The following RNF144A variants were observed in gnomAD, a reference collection of about 807,000 sequenced individuals.
RNF144A encodes E3 ubiquitin-protein ligase RNF144A.
In RNF144A, 11 loss-of-function variants were observed where a neutral mutation model predicts 38.7. The ratio of observed to expected loss-of-function variants is 0.28; its 90% CI spans 0.18 to 0.47. RNF144A has a LOEUF of 0.47. RNF144A is among the 20% of genes least tolerant of loss of function. The probability of loss-of-function intolerance (pLI) is 0.99; values close to 1 mark genes in which losing one functional copy is unlikely to be tolerated. For synonymous variants in RNF144A, 149 were observed against 143.9 expected (o/e 1.04, Z -0.25); for missense variants, 316 against 377.2 (o/e 0.84, Z 1.34).
chr2:6,940,415 C>T (rs542934007), intron 1 of RNF144A, among the ~76,000 whole-genome samples: 3 of 152,260 alleles, frequency 2.0e-5, no homozygotes, highest in African/African-American at 4.8e-5. Context: ...AACCATTTAG[C>T]GTAATTACTG....
At chr2:6,969,728 G>T (rs1667880422) in intron 2 of RNF144A, among the ~76,000 whole-genome samples, 1 of 152,168 alleles carries the variant, frequency 6.6e-6, no homozygotes, top group African/African-American at 2.4e-5. Flanking sequence ...AATACAGTCA[G>T]TCTTCCTTTC....
At chr2:6,985,268 CT>C (rs369232833) in intron 2 of RNF144A, among the ~76,000 whole-genome samples, 2,024 of 128,636 alleles carry the variant, frequency 0.016, 19 homozygotes, top group African/African-American at 0.027. Flanking sequence ...TCCCTCCCCC[CT>C]CTTTTTTTTT....
intron 1 of RNF144A, among the ~76,000 whole-genome samples, chr2:6,923,573 C>T (rs1344830795): frequency 1.3e-5 from 2 of 152,248 alleles, no homozygotes; most frequent in Non-Finnish European, 2.9e-5. Flanking sequence ...ATCACAAATG[C>T]TGCCTTTCCT....
chr2:7,039,154 A>G (rs1672881148), intron 8 of RNF144A, among the ~76,000 whole-genome samples: 1 of 146,174 alleles, frequency 6.8e-6, no homozygotes, highest in Non-Finnish European at 1.5e-5. Flanking sequence ...ATGGATAGAG[A>G]GATGGATGAT....
At chr2:7,020,318 G>C (rs1027022012) in intron 5 of RNF144A, among the ~76,000 whole-genome samples, 155 bp from the exon 6 acceptor site, 1 of 152,076 alleles carries the variant, frequency 6.6e-6, no homozygotes, top group Non-Finnish European at 1.5e-5. Context: ...GAGGTGGAAG[G>C]GTGGCTTGGG....
the RNF144A span, among the ~76,000 whole-genome samples, chr2:7,075,289 C>CCG: frequency 6.6e-6 from 1 of 151,708 alleles, no homozygotes; most frequent in South Asian, 2.1e-4. Flanking sequence ...CATCCCCCCC[C>CCG]CCACACAGTG....
intron 2 of RNF144A, among the ~76,000 whole-genome samples, chr2:6,973,138 A>G (rs971643476): frequency 1.3e-5 from 2 of 152,186 alleles, no homozygotes; most frequent in Non-Finnish European, 1.5e-5. Context: ...GCAGGTTCAG[A>G]TGGTGCCTTA....
intron 1 of RNF144A, among the ~76,000 whole-genome samples, chr2:6,935,659 G>T (rs1030387020): frequency 1.2e-5 from 1 of 86,368 alleles, no homozygotes; most frequent in African/African-American, 3.7e-5. Flanking sequence ...CACCTTGTGA[G>T]CTCATTTGGC....
rs1049302703 is a variant in RNF144A, at chr2:6,917,435, C to G, written c.-399C>G. 6.8e-6 allele frequency: 1 copy of G among 146,682 alleles called. No homozygotes were observed. Among genetic ancestry groups the G allele is most frequent in the African/African-American group, 2.4e-5 (1 of 40,844 alleles). 9.1% of individuals were successfully genotyped at this position (146,682 alleles called of 1,614,324 possible). A position where few individuals can be genotyped will look rare whatever the true frequency, so the allele number is the denominator to read the frequency against. ...GCCTCTGTGCGCGCTCGCGCCCCGC[C>G]CGCGCAGCCGCTTCTCCCCGCGCGG... is the stretch of plus-strand genomic sequence containing the variant. On this transcript the variant is annotated 5_prime_UTR_variant, in exon 1 of 9. Coordinates refer to ENST00000320892, the MANE Select transcript of RNF144A (RefSeq NM_014746.6). This position sits in a 1 kb window ranked among gnomAD's most constrained non-coding sequence, Gnocchi z 4.8.
chr2:7,014,051 G>A (rs952914923), intron 3 of RNF144A, among the ~76,000 whole-genome samples: 2 of 152,192 alleles, frequency 1.3e-5, no homozygotes. Flanking sequence ...TTGTAAAAAT[G>A]CTCTAAGGCT....
chr2:7,034,597 A>G (rs529709532), intron 8 of RNF144A, among the ~76,000 whole-genome samples: 172 of 152,370 alleles, frequency 1.1e-3, no homozygotes, highest in Middle Eastern at 3.4e-3. Context: ...TGGTAGCACC[A>G]GGTGCCTTTG....
intron 6 of RNF144A, among the ~76,000 whole-genome samples, chr2:7,058,391 G>GA (rs957551865): frequency 8.7e-5 from 13 of 150,206 alleles, no homozygotes; most frequent in South Asian, 2.1e-4. Context: ...TCTTATTCTG[G>GA]AAAAAAAATT....
chr2:6,953,380 G>T (rs1020164421), intron 2 of RNF144A, among the ~76,000 whole-genome samples: 1 of 152,200 alleles, frequency 6.6e-6, no homozygotes, highest in South Asian at 2.1e-4. Flanking sequence ...AGTGAGCCAA[G>T]ATCGTGCCAC....
At chr2:6,960,727 C>A (rs1001383236) in intron 2 of RNF144A, among the ~76,000 whole-genome samples, 1 of 152,194 alleles carries the variant, frequency 6.6e-6, no homozygotes, top group Admixed American at 6.5e-5. Flanking sequence ...ATGTTCCTGG[C>A]AAATACATGG....
chr2:6,948,168 C>A (rs1666459665), intron 2 of RNF144A, among the ~76,000 whole-genome samples: 1 of 152,158 alleles, frequency 6.6e-6, no homozygotes, highest in Admixed American at 6.5e-5. Context: ...TGGAGATGGT[C>A]TACATGTTTT....
intron 2 of RNF144A, among the ~76,000 whole-genome samples, chr2:6,957,015 C>T (rs1667050176): frequency 6.6e-6 from 1 of 152,194 alleles, no homozygotes. Context: ...AAGCTCCTGG[C>T]CTGGCTGCAG....
chr2:7,053,187 G>A (rs1012680644), intron 6 of RNF144A, among the ~76,000 whole-genome samples: 2 of 152,154 alleles, frequency 1.3e-5, no homozygotes, highest in Non-Finnish European at 2.9e-5. Flanking sequence ...CTAAAAATGT[G>A]GTTTTAGACC....
In RNF144A at chr2:6,957,511, C is replaced by T. The variant is rs77424307; in HGVS notation, c.-12+16364C>T. 5.1e-3 allele frequency among the ~76,000 whole-genome samples: 775 copies of T among 152,276 alleles called. 21 individuals are homozygous for T. The highest frequency in any genetic ancestry group is 0.035 in the Admixed American group (535 of 15,292). On this transcript the variant is annotated intron_variant, in intron 2 of 8. Coordinates refer to ENST00000320892, the MANE Select transcript of RNF144A (RefSeq NM_014746.6). ...CTGGTCTACCTGATGCCCACCTTGGCGTTGACCACATCAGGCTCAGAGAGC... is the reference window on the plus strand; with the variant it reads ...CTGGTCTACCTGATGCCCACCTTGGTGTTGACCACATCAGGCTCAGAGAGC...
intron 6 of RNF144A, among the ~76,000 whole-genome samples, chr2:7,053,500 G>A (rs1269664075): frequency 6.6e-6 from 1 of 152,100 alleles, no homozygotes; most frequent in Admixed American, 6.5e-5. Flanking sequence ...CTTTCCATTT[G>A]TTGGCAGAAT....
Sources: allele counts gnomAD v4.1 joint callset (sites outside exome capture counted in the v4.1 genomes callset), GRCh38; gene constraint gnomAD v4.1.1; non-coding constraint Gnocchi (gnomAD v3.1); transcripts MANE v1.5; gene names NCBI Gene and HGNC (gene_info 2026-07-23, HGNC 2026-07-21).